The following ZNF780A variants were observed in gnomAD, a reference collection of about 807,000 sequenced individuals.
ZNF780A encodes the protein zinc finger protein 780A.
ZNF780A carries 40 observed loss-of-function variants against 56.7 expected under a neutral mutation model. The observed-to-expected ratio is 0.71, with a 90% CI of 0.55 to 0.92. The LOEUF (loss-of-function observed/expected upper bound fraction) is 0.92, where lower values mean the gene tolerates loss of function less well. Among genes scored for constraint, ZNF780A ranks in the 40% least tolerant of loss-of-function variants. The pLI, the probability that ZNF780A is intolerant of heterozygous loss-of-function variation, is 0.00. For missense variants in ZNF780A, 672 were observed against 783.3 expected (o/e 0.86, Z 1.70); for synonymous variants, 231 against 248.3 (o/e 0.93, Z 0.66).
chr19:40,070,431 T>C (rs1476651749), downstream of ZNF780A: 1 of 152,226 alleles, frequency 6.6e-6, no homozygotes, highest in Non-Finnish European at 1.5e-5. Flanking sequence ...TTTCTTTGAT[T>C]GTATTTCCTT....
Position 40,075,966 on chromosome 19 carries a change from C to A in ZNF780A, c.476G>T (p.Cys159Phe). ...PTHTPHASLI[C>F]NTHKPYECKE... ...ACATTCATACGGTTTATGTGTATTG[C>A]AAATAAGAGAAGCATGAGGAGTATG... The change falls in exon 6 of 6, where the codon TGC becomes TTC. Residue 159 changes from cysteine to phenylalanine, a missense_variant. Coordinates refer to ENST00000683561, the MANE Select transcript of ZNF780A (RefSeq NM_001142578.2). The A allele has an allele frequency of 6.2e-7, 1 of 1,613,140 alleles. No homozygotes were observed.
At chr19:40,089,591 C>T (rs1033888199) in intron 2 of ZNF780A, among the ~76,000 whole-genome samples, 2 of 150,370 alleles carry the variant, frequency 1.3e-5, no homozygotes, top group Non-Finnish European at 1.5e-5. Flanking sequence ...CTATTCTTAA[C>T]CACAACAGTG....
intron 5 of ZNF780A, among the ~76,000 whole-genome samples, chr19:40,080,539 T>C (rs1355723465): frequency 6.6e-6 from 1 of 152,180 alleles, no homozygotes; most frequent in African/African-American, 2.4e-5. Context: ...ATGGATGGCA[T>C]TGGATGCCAT....
intron 5 of ZNF780A, among the ~76,000 whole-genome samples, chr19:40,076,826 C>G (rs1481772671): frequency 6.6e-6 from 1 of 152,148 alleles, no homozygotes; most frequent in Non-Finnish European, 1.5e-5. Flanking sequence ...GGCCTAAGGT[C>G]AGACACATAC....
At chr19:40,087,179 T>C (rs1211456016) in intron 2 of ZNF780A, among the ~76,000 whole-genome samples, 1 of 152,244 alleles carries the variant, frequency 6.6e-6, no homozygotes, top group Non-Finnish European at 1.5e-5. Context: ...ACACTTATTT[T>C]ATACAAGATC....
chr19:40,073,516 T>A lies in ZNF780A; in HGVS notation c.*1000A>T, dbSNP rs1973913661. On this transcript the variant is annotated 3_prime_UTR_variant, in exon 6 of 6. Transcript: ENST00000683561. The stretch of plus-strand genomic sequence containing the variant: ...AAACACAATAACTGCAATGCACAAT[T>A]CAGCGAGGTATGCCTGTATCTGGTA... 1 of 985,852 alleles carries A rather than the reference T, an allele frequency of 1.0e-6. No individual in the cohort carries two copies. The highest frequency in any genetic ancestry group is 1.7e-5 in the African/African-American group (1 of 57,246). The allele number at this position is 985,852 out of a possible 1,614,324, so 61.1% of individuals were successfully genotyped here. A position where few individuals can be genotyped will look rare whatever the true frequency, so the allele number is the denominator to read the frequency against.
intron 3 of ZNF780A, among the ~76,000 whole-genome samples, chr19:40,083,987 C>T (rs1974639003): frequency 6.6e-6 from 1 of 152,132 alleles, no homozygotes; most frequent in Admixed American, 6.5e-5. Flanking sequence ...GCAACCTCCA[C>T]CTCCCAGGTT....
Position 40,074,300 on chromosome 19 carries a change from TTA to T in ZNF780A, c.*214_*215del, listed in dbSNP as rs1294077845. On this transcript the variant is annotated 3_prime_UTR_variant, in exon 6 of 6. Coordinates refer to ENST00000683561, the MANE Select transcript of ZNF780A (RefSeq NM_001142578.2). ...TTTTACCAGTGTGAATTTGGTAATG[TTA>T]AATAAGTGGTAATGATATCTAAAGG... 1.3e-6 allele frequency: 2 copies of T among 1,497,066 alleles called. No homozygotes were observed. Among genetic ancestry groups the T allele is most frequent in the African/African-American group, 2.8e-5 (2 of 71,422 alleles). 92.7% of individuals were successfully genotyped at this position (1,497,066 alleles called of 1,614,324 possible).
At chr19:40,072,091 A>G (rs1218959721), downstream of ZNF780A, 1 of 195,334 alleles carries the variant, frequency 5.1e-6, no homozygotes, top group Admixed American at 5.5e-5. Flanking sequence ...CGAAGCTGTA[A>G]AGCCACAACT....
In ZNF780A at chr19:40,075,385, T is replaced by C. The variant is rs1207779765; in HGVS notation, c.1057A>G (p.Lys353Glu). 6.2e-7 allele frequency: 1 copy of C among 1,614,036 alleles called. No individual in the cohort carries two copies. Among genetic ancestry groups the C allele is most frequent in the Non-Finnish European group, 8.5e-7 (1 of 1,180,036 alleles). Residue 353 changes from lysine to glutamate, a missense_variant, in exon 6 of 6, where the codon AAG (lysine) becomes GAG (glutamate). Lys to Glu is a moderately conservative substitution (Grantham distance 56). Transcript: ENST00000683561. ...AAGGGTTTCTCACCAGTATGAATCT[T>C]CTGATGTCGAACAAGCTTTGTCAGA... ...TLLTKLVRHQ[K>E]IHTGEKPFEC...
intron 5 of ZNF780A, 99 bp from the exon 6 acceptor site, chr19:40,076,308 A>C: frequency 8.1e-7 from 1 of 1,231,596 alleles, no homozygotes; most frequent in Non-Finnish European, 1.1e-6. Flanking sequence ...AAACCAATAA[A>C]ACCTTTATTG....
chr19:40,075,318 TG>T lies in ZNF780A; in HGVS notation c.1123del (p.Gln375SerfsTer40), dbSNP rs1568445747. 3.1e-6 allele frequency: 5 copies of T among 1,613,172 alleles called. No individual in the cohort carries two copies. Among genetic ancestry groups the T allele is most frequent in the Non-Finnish European group, 8.5e-7 (1 of 1,179,776 alleles). On this transcript the variant is annotated frameshift_variant, in exon 6 of 6. Coordinates refer to ENST00000683561, the MANE Select transcript of ZNF780A (RefSeq NM_001142578.2). LOFTEE classifies it high-confidence loss of function. ...ECGKAFSLLN[Q>X]LNRHKNIHTG... ...GTGAATGTTCTTATGGCGATTAAGC[TG>T]GTTGAGAAGACTAAAGGCCTTCCCA...
rs1973935325 is a variant in ZNF780A, at chr19:40,073,993, T to C, written c.*523A>G. The C allele has an allele frequency of 7.4e-6, 8 of 1,086,934 alleles. No homozygotes were observed. The highest frequency in any genetic ancestry group is 9.0e-6 in the Non-Finnish European group (8 of 886,072). The allele number at this position is 1,086,934 out of a possible 1,614,324, so 67.3% of individuals were successfully genotyped here. A position where few individuals can be genotyped will look rare whatever the true frequency, so the allele number is the denominator to read the frequency against. On this transcript the variant is annotated 3_prime_UTR_variant, in exon 6 of 6. Transcript: ENST00000683561. ...ACAATGTTTGAGCTACAACTAAAGGTCTTCCCACATTCTGTACATTCACAG... is the reference window on the plus strand; with the variant it reads ...ACAATGTTTGAGCTACAACTAAAGGCCTTCCCACATTCTGTACATTCACAG...
intron 2 of ZNF780A, 129 bp from the exon 3 acceptor site, chr19:40,084,927 C>T (rs1201677394): frequency 1.3e-5 from 15 of 1,175,338 alleles, no homozygotes; most frequent in African/African-American, 3.1e-5. Flanking sequence ...TCTCCCATCA[C>T]TCCCCTTGCC....
Position 40,075,853 on chromosome 19 carries a change from C to G in ZNF780A, c.589G>C (p.Glu197Gln). ...HTGEKPFECK[E>Q]CGKAFRLHIQ... ...TGAAGTCGAAAGGCTTTCCCACACT[C>G]CTTACATTCAAAGGGTTTCTCTCCA... is the stretch of plus-strand genomic sequence containing the variant. Residue 197 changes from glutamate (E) to glutamine (Q), a missense_variant, in exon 6 of 6, where the codon GAG becomes CAG. By Grantham distance (29) the Glu-to-Gln change is conservative (BLOSUM62 2). Coordinates refer to ENST00000683561, the MANE Select transcript of ZNF780A (RefSeq NM_001142578.2). 1 of 1,614,032 alleles carries G rather than the reference C, an allele frequency of 6.2e-7. No homozygotes were observed. The highest frequency in any genetic ancestry group is 1.1e-5 in the South Asian group (1 of 91,054).
In ZNF780A at chr19:40,073,199, TG is replaced by T; in HGVS notation, c.*1316del. The T allele has an allele frequency of 1.3e-6, 1 of 750,396 alleles. No homozygotes were observed. The highest frequency in any genetic ancestry group is 4.1e-5 in the East Asian group (1 of 24,166). 46.5% of individuals were successfully genotyped at this position (750,396 alleles called of 1,614,324 possible). ...ATTGTTAACAATTTTGAATCTAGGT[TG>T]GGGTATATGATTGTATATTTGACTA... On this transcript the variant is annotated 3_prime_UTR_variant, in exon 6 of 6. Coordinates refer to ENST00000683561, the MANE Select transcript of ZNF780A (RefSeq NM_001142578.2).
chr19:40,079,712 C>T (rs1262500713), intron 5 of ZNF780A, among the ~76,000 whole-genome samples: 3 of 152,070 alleles, frequency 2.0e-5, no homozygotes, highest in East Asian at 1.9e-4. Context: ...GAAAATTAAA[C>T]AACCTGCTCC....
chr19:40,078,442 G>C lies in ZNF780A; in HGVS notation c.233-2233C>G, dbSNP rs146815616. Among the ~76,000 whole-genome samples the C allele has an allele frequency of 2.1e-3, 322 of 152,264 alleles. 1 individual carries two copies. Among genetic ancestry groups the C allele is most frequent in the African/African-American group, 6.9e-3 (287 of 41,560 alleles). On this transcript the variant is annotated intron_variant, in intron 5 of 5. Transcript: ENST00000683561. ...TAGACATCCAGATACAGGAAGCTCA[G>C]AGATACCCAAATACATAACAACACA...
At chr19:40,081,593 A>G (rs1974482114) in intron 5 of ZNF780A, among the ~76,000 whole-genome samples, 1 of 151,952 alleles carries the variant, frequency 6.6e-6, no homozygotes, top group Admixed American at 6.6e-5. Flanking sequence ...CTAAAAGGGG[A>G]AGGAAATAAG....
Sources: gnomAD v4.1 joint callset for allele counts (sites outside exome capture counted in the v4.1 genomes callset) on GRCh38, gnomAD v4.1.1 for gene constraint, MANE v1.5 for transcripts, NCBI Gene and HGNC (gene_info 2026-07-23, HGNC 2026-07-21) for gene names.